The following HS6ST3 variants were observed in gnomAD, a reference collection of about 807,000 sequenced individuals.
HS6ST3 encodes heparan sulfate 6-O-sulfotransferase 3.
Under a neutral mutation model 36.7 loss-of-function variants are expected in HS6ST3, and 12 were observed. That is an observed-to-expected ratio of 0.33 (90% CI 0.21 to 0.53). The LOEUF is 0.53. Among genes scored for constraint, HS6ST3 ranks in the 20% least tolerant of loss-of-function variants. HS6ST3 has a pLI of 0.95. For missense variants in HS6ST3, 584 were observed against 640.9 expected (o/e 0.91, Z 0.96); for synonymous variants, 240 against 257.5 (o/e 0.93, Z 0.65).
chr13:96,806,116 C>G (rs1319124582), intron 1 of HS6ST3, among the ~76,000 whole-genome samples: 1 of 152,130 alleles, frequency 6.6e-6, no homozygotes, highest in Non-Finnish European at 1.5e-5. Flanking sequence ...TAGCACATAG[C>G]TAGAGGTGGG....
At chr13:96,367,897 C>A (rs981981841) in intron 1 of HS6ST3, among the ~76,000 whole-genome samples, 9 of 152,218 alleles carry the variant, frequency 5.9e-5, no homozygotes, top group African/African-American at 2.2e-4. Context: ...TACATCCACA[C>A]TGAGCAGCGT....
At chr13:96,332,431 C>CT (rs1459519367) in intron 1 of HS6ST3, among the ~76,000 whole-genome samples, 1 of 152,164 alleles carries the variant, frequency 6.6e-6, no homozygotes, top group African/African-American at 2.4e-5. Flanking sequence ...CTGTAAAACT[C>CT]TAACAATCTG....
At chr13:96,750,285 C>T (rs898670097) in intron 1 of HS6ST3, among the ~76,000 whole-genome samples, 4 of 152,206 alleles carry the variant, frequency 2.6e-5, no homozygotes, top group African/African-American at 9.7e-5. Flanking sequence ...TAGGTTTGCA[C>T]AAGCCCCAGG....
chr13:96,742,617 A>G (rs1876468311), intron 1 of HS6ST3, among the ~76,000 whole-genome samples: 1 of 152,128 alleles, frequency 6.6e-6, no homozygotes, highest in African/African-American at 2.4e-5. Context: ...ACACAATTAA[A>G]TATCACAATT....
chr13:96,634,836 G>A (rs1162494404), intron 1 of HS6ST3, among the ~76,000 whole-genome samples: 2 of 151,606 alleles, frequency 1.3e-5, no homozygotes, highest in Non-Finnish European at 2.9e-5. Flanking sequence ...AGTTATTCAT[G>A]GAAAATTTCA....
chr13:96,787,149 C>A (rs975037547), intron 1 of HS6ST3, among the ~76,000 whole-genome samples: 1 of 152,050 alleles, frequency 6.6e-6, no homozygotes, highest in Non-Finnish European at 1.5e-5. Flanking sequence ...GGATTGTTTC[C>A]AGTTTTTAAC....
At chr13:96,364,967 C>T (rs1428098740) in intron 1 of HS6ST3, among the ~76,000 whole-genome samples, 1 of 152,154 alleles carries the variant, frequency 6.6e-6, no homozygotes, top group Non-Finnish European at 1.5e-5. Flanking sequence ...AGGTAGTAAA[C>T]ATTGTCTAAT....
chr13:96,491,562 G>A (rs928276726), intron 1 of HS6ST3, among the ~76,000 whole-genome samples: 17 of 150,872 alleles, frequency 1.1e-4, no homozygotes, highest in Non-Finnish European at 4.4e-5. Context: ...GTTCCCAGTT[G>A]TCTGCTTCTA....
At chr13:96,422,714 C>G (rs536258532) in intron 1 of HS6ST3, among the ~76,000 whole-genome samples, 34 of 152,298 alleles carry the variant, frequency 2.2e-4, no homozygotes, top group African/African-American at 5.5e-4. Context: ...TTCCCCACTC[C>G]TCTCCTGTAA....
chr13:96,311,211 C>T (rs566745325), intron 1 of HS6ST3, among the ~76,000 whole-genome samples: 3 of 152,104 alleles, frequency 2.0e-5, no homozygotes, highest in Non-Finnish European at 2.9e-5. Flanking sequence ...GTCTCATATT[C>T]CATTGATAGG....
chr13:96,159,027 T>C (rs1373142122), intron 1 of HS6ST3, among the ~76,000 whole-genome samples: 1 of 152,152 alleles, frequency 6.6e-6, no homozygotes, highest in Admixed American at 6.5e-5. Flanking sequence ...TGTGTGTATG[T>C]ATTTGTGATA....
chr13:96,742,894 T>C (rs764829930), intron 1 of HS6ST3, among the ~76,000 whole-genome samples: 3 of 152,036 alleles, frequency 2.0e-5, no homozygotes, highest in Admixed American at 2.0e-4. Context: ...CTAAGTCCAG[T>C]AAAAAATCTG....
intron 1 of HS6ST3, among the ~76,000 whole-genome samples, chr13:96,672,187 C>T (rs766442774): frequency 1.3e-5 from 2 of 152,148 alleles, no homozygotes; most frequent in Non-Finnish European, 2.9e-5. Flanking sequence ...TACACAATAC[C>T]TGTCCACTCC....
chr13:96,668,593 A>G (rs1264209981), intron 1 of HS6ST3, among the ~76,000 whole-genome samples: 1 of 151,398 alleles, frequency 6.6e-6, no homozygotes, highest in African/African-American at 2.4e-5. Flanking sequence ...TATTGGAGAC[A>G]GAAGAACTGG....
chr13:96,788,937 A>G (rs1165463317), intron 1 of HS6ST3, among the ~76,000 whole-genome samples: 1 of 151,718 alleles, frequency 6.6e-6, no homozygotes, highest in Non-Finnish European at 1.5e-5. Flanking sequence ...TAGTTTTTTT[A>G]TAGGTAGCAT....
At chr13:96,470,181 G>C (rs1184209959) in intron 1 of HS6ST3, among the ~76,000 whole-genome samples, 11 of 152,106 alleles carry the variant, frequency 7.2e-5, no homozygotes. Context: ...ATTGCTGGTT[G>C]GCACATGCTT....
chr13:96,430,148 T>C (rs1165214189), intron 1 of HS6ST3, among the ~76,000 whole-genome samples: 1 of 152,214 alleles, frequency 6.6e-6, no homozygotes, highest in Non-Finnish European at 1.5e-5. Context: ...TTTGGGGTAT[T>C]ACCCTTTTTT....
chr13:96,808,367 T>C (rs1221952747), intron 1 of HS6ST3, among the ~76,000 whole-genome samples: 3 of 152,146 alleles, frequency 2.0e-5, no homozygotes, highest in African/African-American at 7.2e-5. Flanking sequence ...GATCAAAGCA[T>C]TTAATGGCCA....
chr13:96,728,821 T>C (rs1027219663), intron 1 of HS6ST3, among the ~76,000 whole-genome samples: 9 of 152,206 alleles, frequency 5.9e-5, no homozygotes, highest in African/African-American at 2.2e-4. Context: ...AAGTGCTTTC[T>C]ACCATTCAAT....
Sources: gnomAD v4.1 joint callset for allele counts (sites outside exome capture counted in the v4.1 genomes callset) on GRCh38, gnomAD v4.1.1 for gene constraint, MANE v1.5 for transcripts, NCBI Gene and HGNC (gene_info 2026-07-23, HGNC 2026-07-21) for gene names.